CRACD: variants seen among roughly 807,000 people sequenced by gnomAD.
CRACD encodes capping protein-inhibiting regulator of actin dynamics.
A neutral mutation model predicts 106.8 loss-of-function variants in CRACD; 56 were observed. The observed-to-expected ratio is 0.52, with a 90% CI of 0.42 to 0.66. The LOEUF (loss-of-function observed/expected upper bound fraction) is 0.66. Ranked by LOEUF, CRACD falls within the 30% of genes least tolerant of loss-of-function variation. The pLI, the probability that CRACD is intolerant of heterozygous loss-of-function variation, is 0.00. For missense variants in CRACD, 1,730 were observed against 1,623.2 expected (o/e 1.07, Z -1.13); for synonymous variants, 754 against 670.8 (o/e 1.12, Z -1.92).
chr4:56,295,956 A>C (rs1335201935), intron 3 of CRACD, among the ~76,000 whole-genome samples: 1 of 152,078 alleles, frequency 6.6e-6, no homozygotes, highest in Non-Finnish European at 1.5e-5. Flanking sequence ...CATGTTTCCT[A>C]AAAGAGTGCC....
intron 2 of CRACD, among the ~76,000 whole-genome samples, chr4:56,189,788 TC>T (rs1737279127): frequency 6.7e-6 from 1 of 148,514 alleles, no homozygotes; most frequent in Admixed American, 6.7e-5. Flanking sequence ...TTTCTTTTTT[TC>T]TTTTTTTAAA....
chr4:56,281,610 G>A (rs923922161), intron 3 of CRACD, among the ~76,000 whole-genome samples: 2 of 152,128 alleles, frequency 1.3e-5, no homozygotes, highest in Non-Finnish European at 2.9e-5. Flanking sequence ...ACTTTAAAAA[G>A]CAGGTTAATA....
intron 2 of CRACD, among the ~76,000 whole-genome samples, chr4:56,197,415 T>A (rs1737662139): frequency 6.6e-6 from 1 of 152,172 alleles, no homozygotes; most frequent in African/African-American, 2.4e-5. Flanking sequence ...GTTACACACT[T>A]TTCTCTTTAG....
chr4:56,307,540 G>A lies in CRACD; in HGVS notation c.126G>A (p.Gln42=). The A allele has an allele frequency of 6.2e-7, 1 of 1,614,116 alleles. No homozygotes were observed. The highest frequency in any genetic ancestry group is 8.5e-7 in the Non-Finnish European group (1 of 1,180,018). The change falls in exon 5 of 11, where the codon CAG becomes CAA. Residue 42 remains glutamine, a synonymous_variant. Transcript: ENST00000682029. ...TTTCTTCTGTTTCTCTCCAGCAACA[G>A]TTGGGCAAGAATATCAAGTTTGGGC... ...ILGKVKTLQQ[Q]LGKNIKFGQR...
chr4:56,256,077 C>T (rs1560504772), intron 2 of CRACD, among the ~76,000 whole-genome samples: 1 of 152,158 alleles, frequency 6.6e-6, no homozygotes, highest in African/African-American at 2.4e-5. Flanking sequence ...TGGAGCAAAA[C>T]TCTGCCATCC....
intron 1 of CRACD, among the ~76,000 whole-genome samples, chr4:56,085,682 G>A (rs1733192620): frequency 1.3e-5 from 2 of 152,088 alleles, no homozygotes; most frequent in South Asian, 4.2e-4. Context: ...TAGCTCCTGG[G>A]CCACACAAAA....
intron 7 of CRACD, 137 bp from the exon 8 acceptor site, chr4:56,313,903 C>T: frequency 8.7e-7 from 1 of 1,153,442 alleles, no homozygotes; most frequent in Non-Finnish European, 1.2e-6. Context: ...CTGAGTTTAG[C>T]TATCCCTGAA....
intron 2 of CRACD, among the ~76,000 whole-genome samples, chr4:56,235,321 A>T (rs1037246261): frequency 6.6e-6 from 1 of 152,234 alleles, no homozygotes; most frequent in Non-Finnish European, 1.5e-5. Flanking sequence ...ACAATGAAAT[A>T]TTACAGAACT....
intron 1 of CRACD, among the ~76,000 whole-genome samples, chr4:56,163,758 T>G (rs1736040794): frequency 6.6e-6 from 1 of 152,294 alleles, no homozygotes; most frequent in Non-Finnish European, 1.5e-5. Flanking sequence ...GTATCTTTTT[T>G]TTTTTGAGAC....
At position 56,315,498 on chromosome 4, in the gene CRACD, G is replaced by T; in HGVS notation, c.1996G>T (p.Ala666Ser). The T allele has an allele frequency of 6.2e-7, 1 of 1,613,516 alleles. No individual in the cohort carries two copies. Among genetic ancestry groups the T allele is most frequent in the Non-Finnish European group, 8.5e-7 (1 of 1,179,882 alleles). The change falls in exon 8 of 11, where the codon GCA becomes TCA. Residue 666 changes from alanine to serine, a missense_variant. Coordinates refer to ENST00000682029, the MANE Select transcript of CRACD (RefSeq NM_001393381.1). The surrounding 1 kb of genome is among the most constrained non-coding windows in gnomAD (Gnocchi z 4.1). ...GTCTCCCAGCAGCGCGTCCGCACTC[G>T]CAGAATGGGCTTCCATTCGGTCCAG... Reference protein sequence around the residue: ...QESPSSASALAEWASIRSRIL... With the variant: ...QESPSSASALSEWASIRSRIL...
chr4:56,088,912 G>A (rs766333890), intron 1 of CRACD, among the ~76,000 whole-genome samples: 2 of 152,118 alleles, frequency 1.3e-5, no homozygotes, highest in Non-Finnish European at 2.9e-5. Context: ...TTTTGGTAGA[G>A]ACAGGTTTCG....
In CRACD at chr4:56,071,510, C is replaced by CTT. The variant is rs5858361; in HGVS notation, c.-336+22223_-336+22224dup. 4.7e-3 allele frequency among the ~76,000 whole-genome samples: 663 copies of CTT among 142,152 alleles called. 5 individuals carry two copies. The highest frequency in any genetic ancestry group is 0.013 in the African/African-American group (506 of 38,540). 93.3% of individuals were successfully genotyped at this position (142,152 alleles called of 152,430 possible). A position where few individuals can be genotyped will look rare whatever the true frequency, so the allele number is the denominator to read the frequency against. ...CAGGTTGTATTTCTTTCTTTCTTTT[C>CTT]TTTTTTTTTTTTTGGAGATGGAATC... On this transcript the variant is annotated intron_variant, in intron 1 of 10. Transcript: ENST00000682029.
chr4:56,147,651 T>C (rs1735435752), intron 1 of CRACD, among the ~76,000 whole-genome samples: 1 of 152,228 alleles, frequency 6.6e-6, no homozygotes, highest in Non-Finnish European at 1.5e-5. Context: ...TTTGAGTGTA[T>C]GTGTAGGAGT....
intron 1 of CRACD, among the ~76,000 whole-genome samples, chr4:56,127,968 C>T (rs1357820944): frequency 3.3e-5 from 5 of 152,164 alleles, no homozygotes; most frequent in Non-Finnish European, 7.4e-5. Flanking sequence ...CTTAGTATCA[C>T]AATGGGTGGA....
chr4:56,185,800 T>A (rs1394500735), intron 2 of CRACD, among the ~76,000 whole-genome samples: 1 of 152,214 alleles, frequency 6.6e-6, no homozygotes, highest in Non-Finnish European at 1.5e-5. Flanking sequence ...GTTCTAGTGG[T>A]CTGAACTTCA....
intron 1 of CRACD, among the ~76,000 whole-genome samples, chr4:56,090,600 G>T (rs890463706): frequency 6.6e-6 from 1 of 152,100 alleles, no homozygotes; most frequent in African/African-American, 2.4e-5. Flanking sequence ...TTGCCATGTT[G>T]CCCAGGCTGG....
chr4:56,155,118 A>C (rs1735723917), intron 1 of CRACD, among the ~76,000 whole-genome samples: 1 of 152,134 alleles, frequency 6.6e-6, no homozygotes. Context: ...TTGCAAGAAC[A>C]GAGGTTTGTT....
chr4:56,305,702 C>A (rs1744650663), intron 4 of CRACD, among the ~76,000 whole-genome samples: 1 of 152,222 alleles, frequency 6.6e-6, no homozygotes, highest in Non-Finnish European at 1.5e-5. Context: ...GGCATACAAG[C>A]CCTTGCCTGG....
intron 2 of CRACD, among the ~76,000 whole-genome samples, chr4:56,214,003 G>C (rs1011024877): frequency 2.0e-5 from 3 of 152,160 alleles, no homozygotes; most frequent in African/African-American, 7.2e-5. Flanking sequence ...GAAACAGATT[G>C]GTAAGACTCA....
Sources: gnomAD v4.1 joint callset for allele counts (sites outside exome capture counted in the v4.1 genomes callset) on GRCh38, gnomAD v4.1.1 for gene constraint, Gnocchi (gnomAD v3.1) non-coding constraint, MANE v1.5 for transcripts, NCBI Gene and HGNC (gene_info 2026-07-23, HGNC 2026-07-21) for gene names.